The following BACH2 variants were observed in gnomAD, a reference collection of about 807,000 sequenced individuals.
BACH2 encodes transcription regulator protein BACH2.
BACH2 carries 5 observed loss-of-function variants against 61.8 expected under a neutral mutation model. That is an observed-to-expected ratio of 0.08 (90% confidence interval 0.04 to 0.17). The LOEUF is 0.17. BACH2 is among the 10% of genes least tolerant of loss of function. The probability of loss-of-function intolerance (pLI) is 1.00; values close to 1 mark genes in which losing one functional copy is unlikely to be tolerated. For synonymous variants in BACH2, 446 were observed against 440.1 expected (o/e 1.01, Z -0.17); for missense variants, 824 against 1,091.1 (o/e 0.76, Z 3.45).
chr6:90,003,344 C>T lies in BACH2; in HGVS notation c.243+5258G>A, dbSNP rs145485425. Among the ~76,000 whole-genome samples, 755 of 152,292 alleles carry T rather than the reference C, an allele frequency of 5.0e-3. 5 individuals are homozygous for T. Among genetic ancestry groups the T allele is most frequent in the African/African-American group, 0.016 (664 of 41,544 alleles). On this transcript the variant is annotated intron_variant, in intron 6 of 8. Coordinates refer to ENST00000257749, the MANE Select transcript of BACH2 (RefSeq NM_021813.4). ...ACCCTTTCCCTAGACATCAGCACAG[C>T]CAGCTCCCTCACCTGCTCCAGGTCT...
intron 2 of BACH2, among the ~76,000 whole-genome samples, chr6:90,268,458 G>A (rs1771417102): frequency 6.6e-6 from 1 of 152,180 alleles, no homozygotes; most frequent in Non-Finnish European, 1.5e-5. Flanking sequence ...GGACTCTGCA[G>A]ACCAGCCCTA....
chr6:90,030,775 A>C (rs1358414009), intron 5 of BACH2, among the ~76,000 whole-genome samples: 1 of 152,036 alleles, frequency 6.6e-6, no homozygotes, highest in African/African-American at 2.4e-5. Flanking sequence ...TACCAGAGGT[A>C]CAAGGAGGGG....
At chr6:90,258,378 C>T (rs911919828) in intron 2 of BACH2, among the ~76,000 whole-genome samples, 8 of 152,024 alleles carry the variant, frequency 5.3e-5, no homozygotes, top group East Asian at 3.9e-4. Flanking sequence ...ACTATATATA[C>T]GTGGATTTAT....
At chr6:89,960,736 C>G (rs2128359022) in intron 6 of BACH2, among the ~76,000 whole-genome samples, 1 of 152,356 alleles carries the variant, frequency 6.6e-6, no homozygotes, top group South Asian at 2.1e-4. Flanking sequence ...ATCTAGAAGA[C>G]AAAGCAGAAA....
intron 4 of BACH2, among the ~76,000 whole-genome samples, chr6:90,171,420 A>G (rs1767809429): frequency 6.9e-6 from 1 of 144,956 alleles, no homozygotes; most frequent in African/African-American, 2.6e-5. Context: ...TCTCAAGAAG[A>G]AAAAAAAAAA....
chr6:90,214,484 A>C (rs1392144613), intron 3 of BACH2, among the ~76,000 whole-genome samples: 1 of 152,186 alleles, frequency 6.6e-6, no homozygotes, highest in Non-Finnish European at 1.5e-5. Context: ...CTGTTAAAGA[A>C]GCGTTAAGGG....
rs1368016593 is a variant in BACH2, at chr6:90,058,705, A to G, written c.-13+30256T>C. Among the ~76,000 whole-genome samples, 5 of 152,126 alleles carry G rather than the reference A, an allele frequency of 3.3e-5. No individual in the cohort carries two copies. In the East Asian group the frequency reaches 7.7e-4, roughly 23 times the overall value. On this transcript the variant is annotated intron_variant, in intron 5 of 8. Coordinates refer to ENST00000257749, the MANE Select transcript of BACH2 (RefSeq NM_021813.4). ...AAAAGAACAAAGCTGGAGGCATCACACTAGCTGACTTCAAACTATACTACA... is the reference window on the plus strand; with the variant it reads ...AAAAGAACAAAGCTGGAGGCATCACGCTAGCTGACTTCAAACTATACTACA...
At chr6:90,291,931 A>C (rs1772192903) in intron 1 of BACH2, among the ~76,000 whole-genome samples, 1 of 152,228 alleles carries the variant, frequency 6.6e-6, no homozygotes, top group Non-Finnish European at 1.5e-5. Context: ...ACAGGGTCAT[A>C]TGTCGCTGAA....
chr6:89,942,490 C>G (rs1381920631), intron 7 of BACH2, among the ~76,000 whole-genome samples: 1 of 152,202 alleles, frequency 6.6e-6, no homozygotes, highest in African/African-American at 2.4e-5. Flanking sequence ...ATCTTATTAA[C>G]TGTCCCTCCA....
intron 5 of BACH2, among the ~76,000 whole-genome samples, chr6:90,042,062 A>T (rs1779562609): frequency 6.6e-6 from 1 of 152,248 alleles, no homozygotes; most frequent in Non-Finnish European, 1.5e-5. Context: ...ACACACTGAC[A>T]CACTGACACA....
chr6:89,970,720 AAGCACTGCCG>A (rs1775310123), intron 6 of BACH2, among the ~76,000 whole-genome samples: 1 of 152,142 alleles, frequency 6.6e-6, no homozygotes, highest in South Asian at 2.1e-4. Flanking sequence ...ATCTTACAAC[AAGCACTGCCG>A]AGCTGGCTGG....
chr6:90,193,998 C>T (rs1448647136), intron 4 of BACH2, among the ~76,000 whole-genome samples: 2 of 152,054 alleles, frequency 1.3e-5, no homozygotes, highest in Non-Finnish European at 1.5e-5. Context: ...GTAGAATTTC[C>T]TCAAGAATAT....
At chr6:90,099,370 C>G (rs1403595958) in intron 4 of BACH2, among the ~76,000 whole-genome samples, 1 of 149,622 alleles carries the variant, frequency 6.7e-6, no homozygotes, top group Non-Finnish European at 1.5e-5. Flanking sequence ...AGATTAAAGC[C>G]AACATATGCT....
chr6:89,950,895 T>A lies in BACH2; in HGVS notation c.1211A>T (p.Asn404Ile). ...CCTGAGGGGCGACCCCATGGTGAAG[T>A]TGGACACCTCCTTCTGGCCCACGTG... Reference protein sequence around the residue: ...QPHVGQKEVSNFTMGSPLRGP... With the variant: ...QPHVGQKEVSIFTMGSPLRGP... The change falls in exon 7 of 9, where the codon AAC becomes ATC. Residue 404 changes from asparagine to isoleucine, a missense_variant. By Grantham distance (149) the Asn-to-Ile change is moderately radical (BLOSUM62 -3). Around this residue, in one of 8 missense-constraint regions of BACH2, gnomAD observed 226 missense variants for 228.5 expected, o/e 0.99. Transcript: ENST00000257749. This position sits in a 1 kb window ranked among gnomAD's most constrained non-coding sequence, Gnocchi z 5.3. 4 of 1,600,604 alleles carry A rather than the reference T, an allele frequency of 2.5e-6. No homozygotes were observed. Among genetic ancestry groups the A allele is most frequent in the Non-Finnish European group, 3.4e-6 (4 of 1,172,822 alleles).
intron 5 of BACH2, among the ~76,000 whole-genome samples, chr6:90,080,589 T>C (rs1267132233): frequency 6.6e-6 from 1 of 152,154 alleles, no homozygotes; most frequent in African/African-American, 2.4e-5. Flanking sequence ...TAATAAAAAG[T>C]TATTACAGTC....
intron 2 of BACH2, among the ~76,000 whole-genome samples, 170 bp from the exon 3 acceptor site, chr6:90,252,760 A>G (rs1770852503): frequency 6.6e-6 from 1 of 152,238 alleles, no homozygotes; most frequent in African/African-American, 2.4e-5. Context: ...AAAATAGACC[A>G]AAATGAATAT....
At chr6:90,107,347 G>A (rs1190768444) in intron 4 of BACH2, among the ~76,000 whole-genome samples, 1 of 151,712 alleles carries the variant, frequency 6.6e-6, no homozygotes, top group African/African-American at 2.4e-5. Context: ...ATTCCAGCCT[G>A]GAGACAGAGC....
In BACH2 at chr6:90,285,393, G is replaced by A. The variant is rs550475010; in HGVS notation, c.-446+11087C>T. ...TTTGCACTGAGGGAGAAGTGGGTCA[G>A]GTTTCAGTTACGCCAAGAAAGCCTA... On this transcript the variant is annotated intron_variant, in intron 1 of 8. Transcript: ENST00000257749. 9.2e-5 allele frequency among the ~76,000 whole-genome samples: 14 copies of A among 152,262 alleles called. No individual in the cohort carries two copies. The East Asian group carries it at 2.7e-3, about 29-fold the overall frequency.
chr6:90,018,866 C>A (rs954063476), intron 5 of BACH2, among the ~76,000 whole-genome samples: 8 of 151,992 alleles, frequency 5.3e-5, no homozygotes, highest in Admixed American at 2.6e-4. Context: ...GGGGTAAGAT[C>A]GAGTTCACCT....
Sources: allele counts gnomAD v4.1 joint callset (sites outside exome capture counted in the v4.1 genomes callset), GRCh38; gene constraint gnomAD v4.1.1; regional missense constraint gnomAD v4.1.1; non-coding constraint Gnocchi (gnomAD v3.1); transcripts MANE v1.5; gene names NCBI Gene and HGNC (gene_info 2026-07-23, HGNC 2026-07-21).